CLPB: variants seen among roughly 807,000 people sequenced by gnomAD.
The protein encoded by CLPB is ClpB family mitochondrial disaggregase, also known as mitochondrial disaggregase.
Under a neutral mutation model 78.4 loss-of-function variants are expected in CLPB, and 40 were observed. The observed-to-expected ratio is 0.51, with a 90% CI of 0.40 to 0.66. The LOEUF (loss-of-function observed/expected upper bound fraction) is 0.66, where lower values mean the gene tolerates loss of function less well. Ranked by LOEUF, CLPB falls within the 30% of genes least tolerant of loss-of-function variation. The probability of loss-of-function intolerance (pLI) is 0.00; values close to 1 mark genes in which losing one functional copy is unlikely to be tolerated. For synonymous variants in CLPB, 333 were observed against 348.0 expected (o/e 0.96, Z 0.48); for missense variants, 780 against 886.9 (o/e 0.88, Z 1.53).
chr11:72,329,244 G>A (rs943053079), intron 6 of CLPB, among the ~76,000 whole-genome samples: 1 of 152,188 alleles, frequency 6.6e-6, no homozygotes, highest in African/African-American at 2.4e-5. Flanking sequence ...TCTGGAGTGT[G>A]TGTGGAGGGG....
At chr11:72,313,165 G>A (rs1949878077) in intron 7 of CLPB, among the ~76,000 whole-genome samples, 1 of 152,200 alleles carries the variant, frequency 6.6e-6, no homozygotes, top group Admixed American at 6.5e-5. Context: ...TCACATGTCT[G>A]TGGCATCTCC....
At chr11:72,429,282 T>C (rs1243920775) in intron 2 of CLPB, among the ~76,000 whole-genome samples, 1 of 152,208 alleles carries the variant, frequency 6.6e-6, no homozygotes, top group Non-Finnish European at 1.5e-5. Flanking sequence ...AAGTGGTTTA[T>C]TAAAAACTAA....
intron 4 of CLPB, among the ~76,000 whole-genome samples, chr11:72,363,828 A>G (rs1382316776): frequency 1.3e-5 from 2 of 152,224 alleles, no homozygotes; most frequent in Non-Finnish European, 2.9e-5. Flanking sequence ...CCCAAGCCTC[A>G]TATAACTCAG....
intron 4 of CLPB, among the ~76,000 whole-genome samples, chr11:72,377,005 G>T (rs954381735): frequency 6.6e-6 from 1 of 152,126 alleles, no homozygotes; most frequent in Non-Finnish European, 1.5e-5. Flanking sequence ...GGTAATTACC[G>T]GGTACCAGTA....
intron 1 of CLPB, 157 bp from the exon 2 acceptor site, chr11:72,430,520 T>G (rs551683094): frequency 9.7e-6 from 6 of 621,286 alleles, no homozygotes; most frequent in African/African-American, 5.5e-5. Context: ...AATCATTCCC[T>G]CCCCACATGG....
At chr11:72,307,380 A>ATCCTTTCTGCGCCTC in intron 8 of CLPB, 126 bp from the exon 9 acceptor site, 1 of 829,236 alleles carries the variant, frequency 1.2e-6, no homozygotes, top group Non-Finnish European at 2.0e-6. Context: ...TGAGGCGCAG[A>ATCCTTTCTGCGCCTC]AAGGATCAGC....
chr11:72,411,300 A>T (rs1465642269), intron 2 of CLPB, among the ~76,000 whole-genome samples: 1 of 152,210 alleles, frequency 6.6e-6, no homozygotes, highest in African/African-American at 2.4e-5. Flanking sequence ...TTAGGCTTCT[A>T]TGTATATGTA....
chr11:72,433,505 A>C (rs1330274428), intron 1 of CLPB, among the ~76,000 whole-genome samples: 1 of 151,730 alleles, frequency 6.6e-6, no homozygotes, highest in Non-Finnish European at 1.5e-5. Context: ...GCGCCACTGC[A>C]CTCCAGCTTG....
chr11:72,376,188 G>A (rs1379761833), intron 4 of CLPB, among the ~76,000 whole-genome samples: 2 of 152,130 alleles, frequency 1.3e-5, no homozygotes, highest in Admixed American at 1.3e-4. Context: ...AATTTTTCAT[G>A]CAAAAGTCAA....
At chr11:72,326,851 G>A (rs1950142159) in intron 6 of CLPB, among the ~76,000 whole-genome samples, 1 of 152,168 alleles carries the variant, frequency 6.6e-6, no homozygotes, top group African/African-American at 2.4e-5. Context: ...TTTGCAGTTT[G>A]GAGGAAAAAT....
chr11:72,294,796 A>G (rs2135486664), intron 12 of CLPB, 103 bp from the exon 13 acceptor site: 1 of 957,906 alleles, frequency 1.0e-6, no homozygotes, highest in Non-Finnish European at 1.7e-6. Context: ...GGTCCTGTCC[A>G]TCTGTGTGGT....
At chr11:72,391,882 T>G (rs1395321838) in intron 3 of CLPB, among the ~76,000 whole-genome samples, 1 of 152,168 alleles carries the variant, frequency 6.6e-6, no homozygotes, top group African/African-American at 2.4e-5. Flanking sequence ...TGTAGGAAGG[T>G]TGGCTCACAC....
chr11:72,411,752 A>G (rs1008087451), intron 2 of CLPB: 1 of 152,220 alleles, frequency 6.6e-6, no homozygotes, highest in Admixed American at 6.5e-5. Flanking sequence ...CTTTAGGACC[A>G]ATCAATACAA....
At chr11:72,326,554 T>TAGGTGG (rs989802398) in intron 6 of CLPB, among the ~76,000 whole-genome samples, 2 of 152,056 alleles carry the variant, frequency 1.3e-5, no homozygotes, top group African/African-American at 4.8e-5. Context: ...TACAGAGTGG[T>TAGGTGG]AGGTGGAGGT....
intron 7 of CLPB, among the ~76,000 whole-genome samples, chr11:72,311,514 G>A (rs1260231103): frequency 6.6e-6 from 1 of 152,176 alleles, no homozygotes; most frequent in African/African-American, 2.4e-5. Context: ...AGGTTACAGG[G>A]GGAAGAAACA....
chr11:72,309,959 T>A (rs1949815198), intron 7 of CLPB, among the ~76,000 whole-genome samples: 1 of 152,270 alleles, frequency 6.6e-6, no homozygotes, highest in Non-Finnish European at 1.5e-5. Context: ...TGTGGTTGGA[T>A]TTCAAAGAAA....
At chr11:72,402,341 A>T (rs747877824) in intron 3 of CLPB, among the ~76,000 whole-genome samples, 3 of 152,206 alleles carry the variant, frequency 2.0e-5, no homozygotes, top group Non-Finnish European at 4.4e-5. Flanking sequence ...GACATAAATA[A>T]ATCACTTTAT....
intron 4 of CLPB, among the ~76,000 whole-genome samples, chr11:72,361,457 T>A (rs1482180734): frequency 6.6e-6 from 1 of 152,190 alleles, no homozygotes; most frequent in Non-Finnish European, 1.5e-5. Flanking sequence ...TCATGCTAGG[T>A]GATCTTATTT....
At chr11:72,357,161 G>A (rs1162562468) in intron 5 of CLPB, 1 of 152,300 alleles carries the variant, frequency 6.6e-6, no homozygotes, top group African/African-American at 2.4e-5. Context: ...CAGGTCCCTT[G>A]TAGGCTTGGG....
Sources: allele counts gnomAD v4.1 joint callset (sites outside exome capture counted in the v4.1 genomes callset), GRCh38; gene constraint gnomAD v4.1.1; transcripts MANE v1.5; gene names NCBI Gene and HGNC (gene_info 2026-07-23, HGNC 2026-07-21).